RGS8: variants seen among roughly 807,000 people sequenced by gnomAD.
The protein encoded by RGS8 is regulator of G-protein signaling 8.
In RGS8, 8 loss-of-function variants were observed where a neutral mutation model predicts 21.7. The observed-to-expected ratio is 0.37, with a 90% CI of 0.22 to 0.66. The LOEUF (loss-of-function observed/expected upper bound fraction) is 0.66, where lower values mean the gene tolerates loss of function less well. RGS8 is among the 30% of genes least tolerant of loss of function. The pLI, the probability that RGS8 is intolerant of heterozygous loss-of-function variation, is 0.59. For missense variants in RGS8, 157 were observed against 217.9 expected (o/e 0.72, Z 1.76); for synonymous variants, 80 against 83.6 (o/e 0.96, Z 0.24).
chr1:182,737,378 T>C, the RGS8 span, among the ~76,000 whole-genome samples: 1 of 152,226 alleles, frequency 6.6e-6, no homozygotes, highest in African/African-American at 2.4e-5. Context: ...GTGGTTTGGC[T>C]GTGTCCCCAC....
At chr1:182,646,887 T>C (rs1312626879) in exon 7 of RGS8, 2 of 1,614,132 alleles carry the variant, frequency 1.2e-6, no homozygotes, top group Non-Finnish European at 1.7e-6. Flanking sequence ...TTCTTCCTCG[T>C]GGCTTCTCGG....
At chr1:182,742,703 T>C in the RGS8 span, among the ~76,000 whole-genome samples, 1 of 151,892 alleles carries the variant, frequency 6.6e-6, no homozygotes, top group Non-Finnish European at 1.5e-5. Context: ...CGTCCAGCTT[T>C]GGCTCGGCAT....
chr1:182,677,197 G>C (rs1193773964), upstream of RGS8, among the ~76,000 whole-genome samples: 3 of 152,196 alleles, frequency 2.0e-5, no homozygotes, highest in African/African-American at 7.2e-5. Flanking sequence ...CCAGAACTGT[G>C]GGCAAGCTAC....
rs112647603 is a variant in RGS8, at chr1:182,646,612, AC to A, written c.*122del. On this transcript the variant is annotated 3_prime_UTR_variant, in exon 7 of 7. Coordinates refer to ENST00000483095, the Ensembl canonical transcript of RGS8. ...TGGAATGGCCCTTCATTCCCTCCTC[AC>A]CCCCAGCCTCCCACCCCCAATGCCA... is the stretch of plus-strand genomic sequence containing the variant. The A allele has an allele frequency of 2.3e-3, 1,924 of 846,374 alleles. 24 individuals are homozygous for A. The African/African-American group carries it at 0.029, about 13-fold the overall frequency. 52.4% of individuals were successfully genotyped at this position (846,374 alleles called of 1,614,324 possible). A position where few individuals can be genotyped will look rare whatever the true frequency, so the allele number is the denominator to read the frequency against.
At chr1:182,729,675 A>G in the RGS8 span, among the ~76,000 whole-genome samples, 38 of 152,226 alleles carry the variant, frequency 2.5e-4, no homozygotes, top group African/African-American at 9.2e-4. Context: ...TATAGATTTA[A>G]TACCATTTTC....
chr1:182,672,747 G>A (rs1358404997), upstream of RGS8: 1 of 1,570,576 alleles, frequency 6.4e-7, no homozygotes, highest in Admixed American at 1.7e-5. Context: ...TTTTCCTTTT[G>A]TTCTGCCCGA....
At chr1:182,679,698 G>A (rs895243238) in intron 1 of RGS8, among the ~76,000 whole-genome samples, 3 of 152,200 alleles carry the variant, frequency 2.0e-5, no homozygotes, top group African/African-American at 7.2e-5. Flanking sequence ...TTGGGTTGCT[G>A]AACATACCCC....
chr1:182,713,782 C>T, the RGS8 span, among the ~76,000 whole-genome samples: 56 of 152,336 alleles, frequency 3.7e-4, 1 homozygote, highest in African/African-American at 1.3e-3. Context: ...TACGCATACA[C>T]GCCAGCCCTG....
the RGS8 span, among the ~76,000 whole-genome samples, chr1:182,694,974 T>A: frequency 6.6e-6 from 1 of 152,178 alleles, no homozygotes. Flanking sequence ...GAAATTGATA[T>A]GAAGAAACAT....
At chr1:182,688,474 T>C (rs1557906552), upstream of RGS8, among the ~76,000 whole-genome samples, 1 of 152,208 alleles carries the variant, frequency 6.6e-6, no homozygotes, top group Non-Finnish European at 1.5e-5. Context: ...CGAAGTGTTA[T>C]ATGTGATGGC....
intron 1 of RGS8, among the ~76,000 whole-genome samples, chr1:182,683,861 G>A (rs1014895405): frequency 1.3e-5 from 2 of 152,210 alleles, no homozygotes; most frequent in African/African-American, 2.4e-5. Context: ...ACCTGCACAT[G>A]TACTGGAAAC....
chr1:182,666,774 A>G (rs866398186), intron 4 of RGS8, 98 bp downstream of exon 5: 1 of 861,224 alleles, frequency 1.2e-6, no homozygotes, highest in Middle Eastern at 2.2e-4. Context: ...AAGAGACAGG[A>G]TTTTTCCAGT....
chr1:182,696,087 T>C, the RGS8 span, among the ~76,000 whole-genome samples: 48 of 152,318 alleles, frequency 3.2e-4, no homozygotes, highest in South Asian at 9.7e-3. Context: ...AGGATACATT[T>C]GCTAGGGCTA....
chr1:182,673,788 A>G (rs1664267725), upstream of RGS8, among the ~76,000 whole-genome samples: 2 of 152,220 alleles, frequency 1.3e-5, no homozygotes, highest in African/African-American at 4.8e-5. Flanking sequence ...ACACGGCACC[A>G]TAAGAAACTT....
At chr1:182,746,500 C>G in the RGS8 span, among the ~76,000 whole-genome samples, 4 of 152,010 alleles carry the variant, frequency 2.6e-5, no homozygotes, top group Non-Finnish European at 5.9e-5. Context: ...AACCCTGTCT[C>G]TACTAAAAAT....
chr1:182,666,851 G>A lies in RGS8; in HGVS notation c.128+21C>T, dbSNP rs367601919. ...GACTTGCTGTATTACCCAGGGAATG[G>A]CACGTGGCCGTACTACTCACTTGAG... On this transcript the variant is annotated intron_variant, in intron 4 of 6. Transcript: ENST00000483095. 5 of 1,570,500 alleles carry A rather than the reference G, an allele frequency of 3.2e-6. No homozygotes were observed. In the Admixed American group the frequency reaches 5.0e-5, roughly 16 times the overall value.
At chr1:182,651,173 C>T (rs1043316964) in intron 5 of RGS8, among the ~76,000 whole-genome samples, 1 of 152,224 alleles carries the variant, frequency 6.6e-6, no homozygotes, top group Non-Finnish European at 1.5e-5. Context: ...GACTGAGAAT[C>T]ATTCGTTCAA....
chr1:182,648,625 T>A (rs1392929695), intron 5 of RGS8, among the ~76,000 whole-genome samples: 1 of 152,020 alleles, frequency 6.6e-6, no homozygotes, highest in Non-Finnish European at 1.5e-5. Flanking sequence ...TAATCCCAGC[T>A]ACTTGGCAGG....
chr1:182,700,139 CT>C, the RGS8 span, among the ~76,000 whole-genome samples: 3 of 152,214 alleles, frequency 2.0e-5, no homozygotes, highest in Non-Finnish European at 4.4e-5. Context: ...CCATCTGCTC[CT>C]TCCCAATTCT....
Sources: gnomAD v4.1 joint callset for allele counts (sites outside exome capture counted in the v4.1 genomes callset) on GRCh38, gnomAD v4.1.1 for gene constraint, MANE v1.5 for transcripts, NCBI Gene and HGNC (gene_info 2026-07-23, HGNC 2026-07-21) for gene names.